Variants in HPCA observed in about 807,000 individuals in gnomAD.
HPCA encodes the protein neuron-specific calcium-binding protein hippocalcin.
In HPCA, 4 loss-of-function variants were observed where a neutral mutation model predicts 18.2. That is an observed-to-expected ratio of 0.22 (90% CI 0.11 to 0.50). The LOEUF is 0.50. HPCA is among the 20% of genes least tolerant of loss of function. The probability of loss-of-function intolerance (pLI) is 0.97; values close to 1 mark genes in which losing one functional copy is unlikely to be tolerated. For missense variants in HPCA, 161 were observed against 265.8 expected, an observed-to-expected ratio of 0.61 and a Z score of 2.74; for synonymous variants, 93 against 103.5, an observed-to-expected ratio of 0.90 and a Z score of 0.61.
At position 32,886,513 on chromosome 1, in the gene HPCA, TGG is replaced by T. The variant is rs1357670989; in HGVS notation, c.-22_-22+1del. ...TGCGCAGTCGGTGTCTCCGCGTCGC[TGG>T]GTGAGTGGGGGCAGCTCCAGCCGGG... is the stretch of plus-strand genomic sequence containing the variant. On this transcript the variant is annotated splice_region_variant and 5_prime_UTR_variant, in exon 1 of 4. Transcript: ENST00000373467. The surrounding 1 kb of genome is among the most constrained non-coding windows in gnomAD (Gnocchi z 7.0). 6.6e-6 allele frequency: 1 copy of T among 151,630 alleles called. No individual in the cohort carries two copies. Among genetic ancestry groups the T allele is most frequent in the African/African-American group, 2.4e-5 (1 of 41,246 alleles). 9.4% of individuals were successfully genotyped at this position (151,630 alleles called of 1,614,324 possible). A position where few individuals can be genotyped will look rare whatever the true frequency, so the allele number is the denominator to read the frequency against.
chr1:32,893,649 C>CG lies in HPCA; in HGVS notation c.484+24dup, dbSNP rs765934669. On this transcript the variant is annotated intron_variant, in intron 3 of 3. Coordinates refer to ENST00000373467, the MANE Select transcript of HPCA (RefSeq NM_002143.3). This position sits in a 1 kb window ranked among gnomAD's most constrained non-coding sequence, Gnocchi z 7.5. Reference sequence around the variant, plus strand: ...ACGACGGTGAGGGGCAGGGGCGGGACGGGGTGGACGGGGCGGGCGCCTTTC... The same window carrying CG: ...ACGACGGTGAGGGGCAGGGGCGGGACGGGGGTGGACGGGGCGGGCGCCTTTC... 3.5e-6 allele frequency: 3 copies of CG among 860,996 alleles called. No homozygotes were observed. The African/African-American group carries it at 5.0e-5, about 14-fold the overall frequency. The allele number at this position is 860,996 out of a possible 1,614,324, so 53.3% of individuals were successfully genotyped here. A position where few individuals can be genotyped will look rare whatever the true frequency, so the allele number is the denominator to read the frequency against.
chr1:32,893,650 G>A lies in HPCA; in HGVS notation c.484+21G>A. The A allele has an allele frequency of 6.3e-7, 1 of 1,582,360 alleles. No homozygotes were observed. Among genetic ancestry groups the A allele is most frequent in the Non-Finnish European group, 8.7e-7 (1 of 1,152,268 alleles). On this transcript the variant is annotated intron_variant, in intron 3 of 3. Coordinates refer to ENST00000373467, the MANE Select transcript of HPCA (RefSeq NM_002143.3). The surrounding 1 kb of genome is among the most constrained non-coding windows in gnomAD (Gnocchi z 7.5). ...CGACGGTGAGGGGCAGGGGCGGGAC[G>A]GGGTGGACGGGGCGGGCGCCTTTCC...
chr1:32,889,985 C>T lies in HPCA; in HGVS notation c.378+709C>T, dbSNP rs187061763. 1.3e-4 allele frequency among the ~76,000 whole-genome samples: 20 copies of T among 152,320 alleles called. No homozygotes were observed. Among genetic ancestry groups the T allele is most frequent in the Middle Eastern group, 3.4e-3 (1 of 294 alleles). On this transcript the variant is annotated intron_variant, in intron 2 of 3. Transcript: ENST00000373467. This position sits in a 1 kb window ranked among gnomAD's most constrained non-coding sequence, Gnocchi z 4.6. ...CCTGTGTGAGTGGGCCATCTGGCAC[C>T]ACTGTCTACATTCCATCTGGATACC...
rs890277314 is a variant in HPCA at position 32,893,738 on chromosome 1, C to T, written c.485-27C>T. 4 of 1,556,428 alleles carry T rather than the reference C, an allele frequency of 2.6e-6. No individual in the cohort carries two copies. The highest frequency in any genetic ancestry group is 2.7e-5 in the African/African-American group (2 of 73,268). On this transcript the variant is annotated intron_variant, in intron 3 of 3. Transcript: ENST00000373467. The surrounding 1 kb of genome is among the most constrained non-coding windows in gnomAD (Gnocchi z 7.5). ...CCCTCGCTAGGCTGCCGCCTCCTCC[C>T]CCATCACCGCTCCCCTCGCCCTGCA...
At chr1:32,892,216 C>T (rs938480132) in intron 2 of HPCA, among the ~76,000 whole-genome samples, 7 of 152,126 alleles carry the variant, frequency 4.6e-5, no homozygotes, top group African/African-American at 1.7e-4. Flanking sequence ...CGTCTTAAAT[C>T]CCAAGGGCTG....
In HPCA at chr1:32,886,670, C is replaced by T. The variant is rs368766798; in HGVS notation, c.-22+155C>T. 1.9e-4 allele frequency among the ~76,000 whole-genome samples: 29 copies of T among 152,160 alleles called. No individual in the cohort carries two copies. The highest frequency in any genetic ancestry group is 6.2e-4 in the South Asian group (3 of 4,820). On this transcript the variant is annotated intron_variant, in intron 1 of 3. Transcript: ENST00000373467. The surrounding 1 kb of genome is among the most constrained non-coding windows in gnomAD (Gnocchi z 7.0). ...GGGGCGCTGGGGACTGGGAAGCGCG[C>T]GGTGCTCTCCAGGGTCCTGACCGCC...
intron 2 of HPCA, among the ~76,000 whole-genome samples, chr1:32,890,295 A>G (rs536577031): frequency 6.6e-6 from 1 of 152,334 alleles, no homozygotes; most frequent in East Asian, 1.9e-4. Flanking sequence ...TGACTTCACA[A>G]GGAGATTTAA....
intron 1 of HPCA, among the ~76,000 whole-genome samples, chr1:32,887,072 T>A (rs927969542): frequency 6.6e-6 from 1 of 152,160 alleles, no homozygotes; most frequent in Non-Finnish European, 1.5e-5. Flanking sequence ...CCTTCTCATT[T>A]CCTTAGCCCT....
At chr1:32,890,865 G>T (rs1641442428) in intron 2 of HPCA, among the ~76,000 whole-genome samples, 1 of 152,238 alleles carries the variant, frequency 6.6e-6, no homozygotes, top group African/African-American at 2.4e-5. Context: ...CTAGAGAGGG[G>T]AAAGCCCTAA....
chr1:32,888,667 A>C (rs1279241356), intron 1 of HPCA, among the ~76,000 whole-genome samples: 1 of 152,186 alleles, frequency 6.6e-6, no homozygotes. Flanking sequence ...CTCTCCCAGG[A>C]AAGCGTATGG....
Position 32,889,301 on chromosome 1 carries a change from G to A in HPCA, c.378+25G>A, listed in dbSNP as rs1641420144. Reference sequence around the variant, plus strand: ...GGTGGGCCCCTGGGCCCCTCAGAATGCCAGGCACAGGGCCCGGCAGCTTGC... The same window carrying A: ...GGTGGGCCCCTGGGCCCCTCAGAATACCAGGCACAGGGCCCGGCAGCTTGC... On this transcript the variant is annotated intron_variant, in intron 2 of 3. Transcript: ENST00000373467. The surrounding 1 kb of genome is among the most constrained non-coding windows in gnomAD (Gnocchi z 4.6). 6.3e-7 allele frequency: 1 copy of A among 1,593,518 alleles called. No homozygotes were observed. Among genetic ancestry groups the A allele is most frequent in the Non-Finnish European group, 8.6e-7 (1 of 1,168,030 alleles).
chr1:32,893,968 T>A lies in HPCA; in HGVS notation c.*106T>A. The A allele has an allele frequency of 6.8e-6, 6 of 883,152 alleles. No homozygotes were observed. The highest frequency in any genetic ancestry group is 1.1e-5 in the Non-Finnish European group (6 of 566,616). 54.7% of individuals were successfully genotyped at this position (883,152 alleles called of 1,614,324 possible). On this transcript the variant is annotated 3_prime_UTR_variant, in exon 4 of 4. Transcript: ENST00000373467. This position sits in a 1 kb window ranked among gnomAD's most constrained non-coding sequence, Gnocchi z 7.5. ...GCTGGGGGCCAGATTGGGGAAGCCC[T>A]TCTCCCCGGGTCTGCCCTGTGGGGG...
At chr1:32,892,268 T>G (rs1641463132) in intron 2 of HPCA, among the ~76,000 whole-genome samples, 1 of 152,156 alleles carries the variant, frequency 6.6e-6, no homozygotes, top group African/African-American at 2.4e-5. Flanking sequence ...GAAGTGCCAA[T>G]GGCTTTTAAA....
chr1:32,890,177 C>G (rs1641431133), intron 2 of HPCA, among the ~76,000 whole-genome samples: 1 of 152,204 alleles, frequency 6.6e-6, no homozygotes. Context: ...TGGCTGGCCA[C>G]TACTTAGAGC....
In HPCA at chr1:32,890,853, G is replaced by C. The variant is rs1446043733; in HGVS notation, c.378+1577G>C. 2.6e-5 allele frequency among the ~76,000 whole-genome samples: 4 copies of C among 152,204 alleles called. No homozygotes were observed. The East Asian group carries it at 7.7e-4, about 29-fold the overall frequency. ...GATGTGATGCCCTCCCCATACCTATGGCTAGAGAGGGGAAAGCCCTAATGT... is the reference window on the plus strand; with the variant it reads ...GATGTGATGCCCTCCCCATACCTATCGCTAGAGAGGGGAAAGCCCTAATGT... On this transcript the variant is annotated intron_variant, in intron 2 of 3. Coordinates refer to ENST00000373467, the MANE Select transcript of HPCA (RefSeq NM_002143.3).
In HPCA at chr1:32,893,469, C is replaced by T; in HGVS notation, c.379-55C>T. The T allele has an allele frequency of 7.7e-7, 1 of 1,291,376 alleles. No homozygotes were observed. Among genetic ancestry groups the T allele is most frequent in the Non-Finnish European group, 1.1e-6 (1 of 896,614 alleles). The allele number at this position is 1,291,376 out of a possible 1,614,324, so 80.0% of individuals were successfully genotyped here. A position where few individuals can be genotyped will look rare whatever the true frequency, so the allele number is the denominator to read the frequency against. ...AGCCCGGGGGCGCCTCTGAATCTTG[C>T]GGGTGGGGGCTCGGGCAGGCTCCTC... On this transcript the variant is annotated intron_variant, in intron 2 of 3. Coordinates refer to ENST00000373467, the MANE Select transcript of HPCA (RefSeq NM_002143.3). The surrounding 1 kb of genome is among the most constrained non-coding windows in gnomAD (Gnocchi z 7.5).
chr1:32,889,309 C>G lies in HPCA; in HGVS notation c.378+33C>G. On this transcript the variant is annotated intron_variant, in intron 2 of 3. Transcript: ENST00000373467. The surrounding 1 kb of genome is among the most constrained non-coding windows in gnomAD (Gnocchi z 4.6). The stretch of plus-strand genomic sequence containing the variant: ...CCTGGGCCCCTCAGAATGCCAGGCA[C>G]AGGGCCCGGCAGCTTGCACCCACCA... 6.3e-7 allele frequency: 1 copy of G among 1,576,474 alleles called. No homozygotes were observed.
Position 32,886,747 on chromosome 1 carries a change from A to T in HPCA, c.-22+232A>T, listed in dbSNP as rs906605047. ...TCGACCGCCCTGGAGCGCCCCCTCC[A>T]GGAGGGGCCACGCGCCGGGCGCTGT... On this transcript the variant is annotated intron_variant, in intron 1 of 3. Coordinates refer to ENST00000373467, the MANE Select transcript of HPCA (RefSeq NM_002143.3). The surrounding 1 kb of genome is among the most constrained non-coding windows in gnomAD (Gnocchi z 7.0). Among the ~76,000 whole-genome samples the T allele has an allele frequency of 4.6e-5, 7 of 151,876 alleles. No homozygotes were observed. Among genetic ancestry groups the T allele is most frequent in the South Asian group, 2.1e-4 (1 of 4,814 alleles).
At chr1:32,891,989 T>C (rs570546201) in intron 2 of HPCA, among the ~76,000 whole-genome samples, 2 of 152,254 alleles carry the variant, frequency 1.3e-5, no homozygotes, top group Non-Finnish European at 2.9e-5. Flanking sequence ...GGGATCATGA[T>C]ACCTGTTTTT....
Sources: allele counts gnomAD v4.1 joint callset (sites outside exome capture counted in the v4.1 genomes callset), GRCh38; gene constraint gnomAD v4.1.1; non-coding constraint Gnocchi (gnomAD v3.1); transcripts MANE v1.5; gene names NCBI Gene and HGNC (gene_info 2026-07-23, HGNC 2026-07-21).